ARL15: variants seen among roughly 807,000 people sequenced by gnomAD.
ARL15 encodes the protein ADP-ribosylation factor-like protein 15.
A neutral mutation model predicts 25.2 loss-of-function variants in ARL15; 19 were observed. That is an observed-to-expected ratio of 0.75 (90% CI 0.53 to 1.10). The LOEUF is 1.10. Among genes scored for constraint, ARL15 ranks in the 50% least tolerant of loss-of-function variants. ARL15 has a pLI of 0.00. For missense variants in ARL15, 220 were observed against 246.0 expected (o/e 0.89, Z 0.71); for synonymous variants, 94 against 86.8 (o/e 1.08, Z -0.46).
intron 4 of ARL15, among the ~76,000 whole-genome samples, chr5:53,906,648 T>A (rs146605010): frequency 7.9e-5 from 12 of 152,082 alleles, no homozygotes; most frequent in African/African-American, 2.2e-4. Context: ...TTGAAAAGAG[T>A]TCCCTAAATG....
intron 4 of ARL15, among the ~76,000 whole-genome samples, chr5:54,076,392 G>A (rs1216362219): frequency 2.0e-5 from 3 of 150,954 alleles, no homozygotes; most frequent in Non-Finnish European, 4.4e-5. Context: ...CTGCACTCCA[G>A]CCTGGGCGAC....
chr5:54,078,741 T>G (rs1751693566), intron 4 of ARL15, among the ~76,000 whole-genome samples: 1 of 152,078 alleles, frequency 6.6e-6, no homozygotes, highest in African/African-American at 2.4e-5. Flanking sequence ...CAAAAACATC[T>G]TAATAGATGC....
At chr5:53,956,668 A>G (rs1747167716) in intron 4 of ARL15, among the ~76,000 whole-genome samples, 1 of 151,930 alleles carries the variant, frequency 6.6e-6, no homozygotes, top group African/African-American at 2.4e-5. Flanking sequence ...GAATATCAAT[A>G]AAGAGACAGA....
intron 1 of ARL15, among the ~76,000 whole-genome samples, chr5:54,250,283 A>G (rs1415733848): frequency 6.6e-6 from 1 of 151,966 alleles, no homozygotes; most frequent in Non-Finnish European, 1.5e-5. Context: ...CCACAATCCA[A>G]CCACCCCTAC....
chr5:53,897,131 C>A (rs180904224), intron 4 of ARL15, among the ~76,000 whole-genome samples: 16 of 152,278 alleles, frequency 1.1e-4, no homozygotes, highest in Admixed American at 3.3e-4. Flanking sequence ...TGAAAGCATA[C>A]GATTCAGTTG....
chr5:54,101,155 A>G (rs1330165272), intron 4 of ARL15, among the ~76,000 whole-genome samples: 1 of 152,112 alleles, frequency 6.6e-6, no homozygotes, highest in Non-Finnish European at 1.5e-5. Context: ...AAGAGTTGTT[A>G]TTCTAAAAAT....
chr5:54,089,876 T>C (rs1752082016), intron 4 of ARL15, among the ~76,000 whole-genome samples: 1 of 152,238 alleles, frequency 6.6e-6, no homozygotes, highest in Non-Finnish European at 1.5e-5. Context: ...CGAATGTATA[T>C]TTCTTGTATT....
intron 4 of ARL15, among the ~76,000 whole-genome samples, chr5:53,980,153 T>C (rs1009275784): frequency 6.6e-6 from 1 of 152,210 alleles, no homozygotes; most frequent in African/African-American, 2.4e-5. Flanking sequence ...CTCCAACACC[T>C]ATTTTGCAAA....
At chr5:53,929,299 C>G (rs1255127427) in intron 4 of ARL15, among the ~76,000 whole-genome samples, 1 of 151,996 alleles carries the variant, frequency 6.6e-6, no homozygotes, top group African/African-American at 2.4e-5. Context: ...AATGCCCTGC[C>G]CTAAAAAGTC....
chr5:54,191,779 C>T (rs1360793607), intron 1 of ARL15, among the ~76,000 whole-genome samples: 1 of 152,154 alleles, frequency 6.6e-6, no homozygotes, highest in Non-Finnish European at 1.5e-5. Flanking sequence ...CACACTGGCT[C>T]CCTGCTTTCA....
chr5:53,999,096 T>A (rs1313245049), intron 4 of ARL15, among the ~76,000 whole-genome samples: 1 of 151,432 alleles, frequency 6.6e-6, no homozygotes, highest in Admixed American at 6.6e-5. Context: ...GTGGAAGAAA[T>A]CTCCTAGGTA....
At chr5:54,220,950 T>A (rs3797245) in intron 1 of ARL15, among the ~76,000 whole-genome samples, 17,695 of 151,866 alleles carry the variant, frequency 0.12, 1,349 homozygotes, top group East Asian at 0.43. Flanking sequence ...TAATTCTGAA[T>A]AAAATTCCAG....
chr5:54,048,510 C>A (rs528955798), intron 4 of ARL15, among the ~76,000 whole-genome samples: 266 of 150,592 alleles, frequency 1.8e-3, no homozygotes, highest in Middle Eastern at 6.8e-3. Context: ...TCAAGCGATT[C>A]TCCTGCCTAG....
intron 4 of ARL15, among the ~76,000 whole-genome samples, chr5:54,085,518 C>A (rs1012359387): frequency 1.3e-5 from 2 of 152,046 alleles, no homozygotes; most frequent in Non-Finnish European, 2.9e-5. Flanking sequence ...TGTCACTGAA[C>A]GTACAGACTA....
chr5:54,104,145 A>G (rs1424172361), intron 4 of ARL15, among the ~76,000 whole-genome samples: 1 of 152,146 alleles, frequency 6.6e-6, no homozygotes, highest in Non-Finnish European at 1.5e-5. Flanking sequence ...GCATTGTTCC[A>G]GCTTTCTGGT....
chr5:53,886,679 C>G lies in ARL15; in HGVS notation c.497G>C (p.Arg166Pro). 2 of 1,571,538 alleles carry G rather than the reference C, an allele frequency of 1.3e-6. No homozygotes were observed. Among genetic ancestry groups the G allele is most frequent in the South Asian group, 1.2e-5 (1 of 84,240 alleles). ...KKYFELEPLARGKRWILQPCS... is the reference protein window; with the variant it reads ...KKYFELEPLAPGKRWILQPCS... ...GGGCTGTAGAATCCAGCGTTTTCCA[C>G]GTGCAAGTGGTTCAAGTTCAAAATA... Residue 166 changes from arginine (R) to proline (P), a missense_variant, in exon 5 of 5, where the codon CGT (arginine) becomes CCT (proline). Coordinates refer to ENST00000504924, the MANE Select transcript of ARL15 (RefSeq NM_019087.3).
At chr5:54,307,622 T>A (rs904745371) in intron 1 of ARL15, among the ~76,000 whole-genome samples, 1 of 152,210 alleles carries the variant, frequency 6.6e-6, no homozygotes, top group African/African-American at 2.4e-5. Flanking sequence ...TTCATCTGTT[T>A]TAATATCTCA....
chr5:54,173,185 GA>G (rs551489130), intron 1 of ARL15, among the ~76,000 whole-genome samples: 27 of 121,050 alleles, frequency 2.2e-4, no homozygotes, highest in African/African-American at 3.6e-4. Flanking sequence ...CTCCATCTCA[GA>G]AAAAAAAAAA....
intron 4 of ARL15, among the ~76,000 whole-genome samples, chr5:54,010,892 G>A (rs1023504909): frequency 1.3e-5 from 2 of 151,926 alleles, no homozygotes; most frequent in South Asian, 2.1e-4. Context: ...CCAGCTACTC[G>A]GAGAGGATGA....
Sources: gnomAD v4.1 joint callset for allele counts (sites outside exome capture counted in the v4.1 genomes callset) on GRCh38, gnomAD v4.1.1 for gene constraint, MANE v1.5 for transcripts, NCBI Gene and HGNC (gene_info 2026-07-23, HGNC 2026-07-21) for gene names.